Variants in LRRC37A2 observed in about 807,000 individuals in gnomAD.
The protein encoded by LRRC37A2 is leucine-rich repeat-containing protein 37A2.
LRRC37A2 carries 9 observed loss-of-function variants against 68.8 expected under a neutral mutation model. The observed-to-expected ratio is 0.13, with a 90% CI of 0.08 to 0.23. The LOEUF (loss-of-function observed/expected upper bound fraction) is 0.23, where lower values mean the gene tolerates loss of function less well. Among genes scored for constraint, LRRC37A2 ranks in the 10% least tolerant of loss-of-function variants. The pLI is 1.00. For synonymous variants in LRRC37A2, 63 were observed against 367.6 expected (o/e 0.17, Z 9.48); for missense variants, 168 against 950.4 (o/e 0.18, Z 10.82).
the LRRC37A2 span, among the ~76,000 whole-genome samples, chr17:46,747,620 A>G: frequency 6.6e-6 from 1 of 152,200 alleles, no homozygotes; most frequent in African/African-American, 2.4e-5. Context: ...ACAGGATGCA[A>G]TTAAAAAAGA....
chr17:46,737,075 C>G, the LRRC37A2 span, among the ~76,000 whole-genome samples: 30 of 152,264 alleles, frequency 2.0e-4, no homozygotes, highest in Non-Finnish European at 4.0e-4. Flanking sequence ...TAAGGAACAT[C>G]TGCTTTTATT....
chr17:46,642,527 A>AT, the LRRC37A2 span, among the ~76,000 whole-genome samples: 4 of 131,582 alleles, frequency 3.0e-5, no homozygotes, highest in Non-Finnish European at 4.6e-5. Flanking sequence ...ATTTTTAAAC[A>AT]TGAGTTTTGT....
the LRRC37A2 span, among the ~76,000 whole-genome samples, chr17:46,752,354 C>T: frequency 6.6e-6 from 1 of 152,312 alleles, no homozygotes; most frequent in South Asian, 2.1e-4. Flanking sequence ...ATAAATACCT[C>T]CCTATCAAGC....
chr17:46,883,281 CTT>C, the LRRC37A2 span, among the ~76,000 whole-genome samples: 2 of 142,610 alleles, frequency 1.4e-5, no homozygotes, highest in Admixed American at 7.1e-5. Context: ...TGCGCCCGGC[CTT>C]TTTTTTTTTT....
chr17:46,884,986 A>G, the LRRC37A2 span: 1 of 426,480 alleles, frequency 2.3e-6, no homozygotes, highest in East Asian at 7.7e-5. Flanking sequence ...CCTCTTTTAT[A>G]TTTCCTTAGC....
the LRRC37A2 span, chr17:46,935,508 T>A: frequency 1.5e-6 from 2 of 1,314,124 alleles, no homozygotes; most frequent in Non-Finnish European, 1.9e-6. Flanking sequence ...CTTGGAAGAA[T>A]GAAGACGTGG....
chr17:47,030,096 TCATCATCATC>T, the LRRC37A2 span, among the ~76,000 whole-genome samples: 2 of 96,936 alleles, frequency 2.1e-5, no homozygotes, highest in African/African-American at 4.7e-5. Flanking sequence ...ATAATCATCA[TCATCATCATC>T]ATCATCATCA....
the LRRC37A2 span, among the ~76,000 whole-genome samples, chr17:47,026,695 A>G: frequency 6.6e-6 from 1 of 152,256 alleles, no homozygotes; most frequent in Non-Finnish European, 1.5e-5. Flanking sequence ...TTCTTTTATG[A>G]AATATTAAAG....
At chr17:46,846,639 T>A in the LRRC37A2 span, among the ~76,000 whole-genome samples, 1 of 152,368 alleles carries the variant, frequency 6.6e-6, no homozygotes, top group Non-Finnish European at 1.5e-5. Flanking sequence ...ACCAAAGGGC[T>A]GCTTCTCTGC....
the LRRC37A2 span, among the ~76,000 whole-genome samples, chr17:46,753,347 A>C: frequency 1.3e-5 from 2 of 152,162 alleles, no homozygotes; most frequent in East Asian, 1.9e-4. Context: ...AATGCTTTTT[A>C]ATCTTTTCTG....
the LRRC37A2 span, chr17:46,876,308 C>A: frequency 2.5e-6 from 4 of 1,614,154 alleles, no homozygotes; most frequent in East Asian, 6.7e-5. Flanking sequence ...CTGTGCCGTG[C>A]GCACCTGCTG....
At chr17:46,834,459 C>T in the LRRC37A2 span, among the ~76,000 whole-genome samples, 1 of 152,142 alleles carries the variant, frequency 6.6e-6, no homozygotes, top group African/African-American at 2.4e-5. Flanking sequence ...GCAAGTTCTG[C>T]TAGGCCTGCC....
At chr17:46,798,576 C>T in the LRRC37A2 span, among the ~76,000 whole-genome samples, 1 of 152,226 alleles carries the variant, frequency 6.6e-6, no homozygotes, top group African/African-American at 2.4e-5. Context: ...CCTCTCTCGC[C>T]TAAAGGTTGG....
chr17:46,915,844 A>G, the LRRC37A2 span, among the ~76,000 whole-genome samples: 1 of 152,196 alleles, frequency 6.6e-6, no homozygotes, highest in Non-Finnish European at 1.5e-5. Flanking sequence ...TATTTATTTT[A>G]TGGCATTGAA....
chr17:46,680,252 A>T, the LRRC37A2 span, among the ~76,000 whole-genome samples: 3 of 151,738 alleles, frequency 2.0e-5, no homozygotes, highest in Non-Finnish European at 4.4e-5. Context: ...AGCAATAGTA[A>T]TTGAAACAAT....
chr17:46,542,688 C>T (rs1319517209), intron 8 of LRRC37A2, among the ~76,000 whole-genome samples: 46 of 150,094 alleles, frequency 3.1e-4, no homozygotes, highest in Non-Finnish European at 6.5e-4. Context: ...GAGCAAGACC[C>T]TGTCTAAAAT....
the LRRC37A2 span, among the ~76,000 whole-genome samples, chr17:46,621,132 C>T: frequency 7.1e-6 from 1 of 141,796 alleles, no homozygotes; most frequent in Non-Finnish European, 1.5e-5. Context: ...AGTGGCTACT[C>T]TCTATCTCCC....
At chr17:47,015,198 G>C in the LRRC37A2 span, among the ~76,000 whole-genome samples, 1 of 151,916 alleles carries the variant, frequency 6.6e-6, no homozygotes, top group Non-Finnish European at 1.5e-5. Flanking sequence ...AGTAGAGATG[G>C]GGTTTCACCA....
the LRRC37A2 span, among the ~76,000 whole-genome samples, chr17:46,779,491 G>C: frequency 6.6e-6 from 1 of 152,096 alleles, no homozygotes; most frequent in Non-Finnish European, 1.5e-5. Flanking sequence ...CCTCCACTCC[G>C]ACCACCCACT....
Sources: allele counts gnomAD v4.1 joint callset (sites outside exome capture counted in the v4.1 genomes callset), GRCh38; gene constraint gnomAD v4.1.1; transcripts MANE v1.5; gene names NCBI Gene and HGNC (gene_info 2026-07-23, HGNC 2026-07-21).